ZNF91: variants seen among roughly 807,000 people sequenced by gnomAD.
The protein encoded by ZNF91 is zinc finger protein 91 (HPF7, HTF10).
A neutral mutation model predicts 12.6 loss-of-function variants in ZNF91; 7 were observed. That is an observed-to-expected ratio of 0.55 (90% CI 0.31 to 1.04). The LOEUF is 1.04. ZNF91 is among the 50% of genes least tolerant of loss of function. ZNF91 has a pLI of 0.05. For missense variants in ZNF91, 1,217 were observed against 1,385.4 expected (o/e 0.88, Z 1.93); for synonymous variants, 453 against 462.6 (o/e 0.98, Z 0.27).
At chr19:23,336,933 C>T (rs1051672107), downstream of ZNF91, among the ~76,000 whole-genome samples, 3 of 152,184 alleles carry the variant, frequency 2.0e-5, no homozygotes, top group Non-Finnish European at 2.9e-5. Context: ...ACATTTATAA[C>T]GTATTTGTAT....
upstream of ZNF91, among the ~76,000 whole-genome samples, chr19:23,314,748 A>G (rs183480851): frequency 8.5e-4 from 130 of 152,260 alleles, 2 homozygotes; most frequent in Admixed American, 8.1e-3. Flanking sequence ...TTCAGGGTGT[A>G]TTGTGCCATA....
intron 3 of ZNF91, among the ~76,000 whole-genome samples, chr19:23,305,508 G>A (rs1967385118): frequency 6.6e-6 from 1 of 152,138 alleles, no homozygotes; most frequent in Non-Finnish European, 1.5e-5. Context: ...CAGCCAATTA[G>A]GTCAGCACTT....
At chr19:23,355,535 T>C (rs1035413823), downstream of ZNF91, among the ~76,000 whole-genome samples, 2 of 152,138 alleles carry the variant, frequency 1.3e-5, no homozygotes, top group Non-Finnish European at 2.9e-5. Flanking sequence ...CTTCTAGGCA[T>C]TGGCTAGGCA....
At chr19:23,372,297 C>T (rs1568394349) in intron 3 of ZNF91, among the ~76,000 whole-genome samples, 1 of 152,064 alleles carries the variant, frequency 6.6e-6, no homozygotes, top group Non-Finnish European at 1.5e-5. Context: ...GACAAAAATG[C>T]GTTTGTGAGA....
Position 23,358,617 on chromosome 19 carries a change from G to A in ZNF91, c.*786C>T, listed in dbSNP as rs1032000751. The A allele has an allele frequency of 1.3e-5, 2 of 152,596 alleles. No homozygotes were observed. Among genetic ancestry groups the A allele is most frequent in the African/African-American group, 4.8e-5 (2 of 41,434 alleles). The allele number at this position is 152,596 out of a possible 1,614,324, so 9.5% of individuals were successfully genotyped here. On this transcript the variant is annotated 3_prime_UTR_variant, in exon 4 of 4. Coordinates refer to ENST00000300619, the MANE Select transcript of ZNF91 (RefSeq NM_003430.4). The stretch of plus-strand genomic sequence containing the variant: ...TATTAATGGCTTTTTGTCTATATTT[G>A]TTCACTTTTTCTCAAGCATAAATGC...
rs575071114 is a variant in ZNF91 at position 23,359,128 on chromosome 19, C to T, written c.*275G>A. The T allele has an allele frequency of 4.7e-5, 26 of 552,542 alleles. No individual in the cohort carries two copies. Among genetic ancestry groups the T allele is most frequent in the Non-Finnish European group, 1.0e-5 (3 of 291,190 alleles). 34.2% of individuals were successfully genotyped at this position (552,542 alleles called of 1,614,324 possible). A position where few individuals can be genotyped will look rare whatever the true frequency, so the allele number is the denominator to read the frequency against. ...TTCTTCACATTTGTAGAGTTTTACTCCAGTATGAATTACCTTATGTTTAGT... is the reference window on the plus strand; with the variant it reads ...TTCTTCACATTTGTAGAGTTTTACTTCAGTATGAATTACCTTATGTTTAGT... On this transcript the variant is annotated 3_prime_UTR_variant, in exon 4 of 4. Transcript: ENST00000300619.
At chr19:23,364,660 A>G (rs193005351) in intron 3 of ZNF91, among the ~76,000 whole-genome samples, 2 of 152,290 alleles carry the variant, frequency 1.3e-5, no homozygotes, top group East Asian at 3.9e-4. Context: ...TTCACATTTA[A>G]AAGTGTTTCT....
At chr19:23,323,542 TTC>T (rs201225623) in intron 1 of ZNF91, among the ~76,000 whole-genome samples, 1 of 145,918 alleles carries the variant, frequency 6.9e-6, no homozygotes, top group Non-Finnish European at 1.5e-5. Context: ...CTTTTCCTTT[TTC>T]TCTCCTCTTC....
At chr19:23,336,212 A>G (rs928703004), downstream of ZNF91, among the ~76,000 whole-genome samples, 1 of 152,246 alleles carries the variant, frequency 6.6e-6, no homozygotes, top group East Asian at 1.9e-4. Context: ...TCATCATCTC[A>G]TACCAAGGAA....
chr19:23,317,389 T>A (rs185922561), intron 1 of ZNF91, among the ~76,000 whole-genome samples: 1 of 152,102 alleles, frequency 6.6e-6, no homozygotes, highest in East Asian at 1.9e-4. Flanking sequence ...TAGGTGAGGA[T>A]GCTCCTATTT....
At chr19:23,316,841 G>A (rs1461946663) in intron 1 of ZNF91, among the ~76,000 whole-genome samples, 1 of 152,114 alleles carries the variant, frequency 6.6e-6, no homozygotes, top group Non-Finnish European at 1.5e-5. Flanking sequence ...ACAGAGCCCA[G>A]CATCCAAATG....
At chr19:23,364,379 T>C in intron 3 of ZNF91, among the ~76,000 whole-genome samples, 1 of 151,924 alleles carries the variant, frequency 6.6e-6, no homozygotes. Context: ...CCGGAGGCAG[T>C]GGTTGTGGTG....
chr19:23,344,298 GTTAGCCAGGATGGTCTCGA>G (rs1968177402), intron 3 of ZNF91, among the ~76,000 whole-genome samples: 1 of 152,038 alleles, frequency 6.6e-6, no homozygotes, highest in Non-Finnish European at 1.5e-5. Flanking sequence ...GTTTCACCGT[GTTAGCCAGGATGGTCTCGA>G]TCTCCTGACC....
upstream of ZNF91, among the ~76,000 whole-genome samples, chr19:23,315,238 T>C (rs1370321523): frequency 4.6e-5 from 7 of 152,286 alleles, no homozygotes; most frequent in Non-Finnish European, 8.8e-5. Context: ...TGAGGTATTG[T>C]GACATATGGC....
chr19:23,305,752 G>A (rs1023641739), intron 3 of ZNF91, among the ~76,000 whole-genome samples: 2 of 152,198 alleles, frequency 1.3e-5, no homozygotes, highest in Non-Finnish European at 2.9e-5. Context: ...GATTAATCAA[G>A]ACTGGCCCCC....
chr19:23,360,170 G>A lies in ZNF91; in HGVS notation c.2809C>T (p.Pro937Ser), dbSNP rs972351937. 5.6e-6 allele frequency: 9 copies of A among 1,613,626 alleles called. No homozygotes were observed. Among genetic ancestry groups the A allele is most frequent in the East Asian group, 2.2e-5 (1 of 44,846 alleles). Residue 937 changes from proline to serine, a missense_variant, in exon 4 of 4, where the codon CCC (proline) becomes TCC (serine). Physicochemically the swap from Pro to Ser is moderately conservative, Grantham distance 74. This residue lies in a region of ZNF91 where 491 missense variants were observed against 489.8 expected (regional missense o/e 1.00). Coordinates refer to ENST00000300619, the MANE Select transcript of ZNF91 (RefSeq NM_003430.4). Reference sequence around the variant, plus strand: ...TTGCCACATTCTTCACATTTGTAGGGTTTCTCTCCAGTGTGCATCCTCTTA... The same window carrying A: ...TTGCCACATTCTTCACATTTGTAGGATTTCTCTCCAGTGTGCATCCTCTTA... Reference protein sequence around the residue: ...THKRMHTGEKPYKCEECGKAF... With the variant: ...THKRMHTGEKSYKCEECGKAF...
At chr19:23,339,822 T>C (rs1327762297) in intron 3 of ZNF91, 1 of 151,686 alleles carries the variant, frequency 6.6e-6, no homozygotes, top group East Asian at 1.9e-4. Context: ...TGTGCACCTA[T>C]GGTCCTAGCT....
In ZNF91 at chr19:23,360,692, TTC is replaced by T. The variant is rs769420805; in HGVS notation, c.2285_2286del (p.Arg762AsnfsTer4). 1.9e-6 allele frequency: 3 copies of T among 1,613,872 alleles called. No individual in the cohort carries two copies. The highest frequency in any genetic ancestry group is 2.2e-5 in the South Asian group (2 of 91,060). ...NWSSSLTKHKRIHTREKPFKC... is the reference protein window; with the variant it reads ...NWSSSLTKHKXIHTREKPFKC... ...TTGAAGGGTTTCTCTCTAGTATGAA[TTC>T]TTTTATGTTTAGTAAGGCTTGAGGA... On this transcript the variant is annotated frameshift_variant, in exon 4 of 4. Transcript: ENST00000300619. LOFTEE classifies it low-confidence loss of function (END_TRUNC).
At chr19:23,370,911 A>G (rs1969251846) in intron 3 of ZNF91, among the ~76,000 whole-genome samples, 1 of 152,174 alleles carries the variant, frequency 6.6e-6, no homozygotes, top group Admixed American at 6.5e-5. Context: ...AGAATTATAA[A>G]TTTTCTTGAA....
Sources: gnomAD v4.1 joint callset for allele counts (sites outside exome capture counted in the v4.1 genomes callset) on GRCh38, gnomAD v4.1.1 for gene constraint, gnomAD v4.1.1 regional missense constraint, MANE v1.5 for transcripts, NCBI Gene and HGNC (gene_info 2026-07-23, HGNC 2026-07-21) for gene names.